Variants in GRIP1 observed in about 807,000 individuals in gnomAD.
GRIP1 encodes the protein glutamate receptor-interacting protein 1.
GRIP1 carries 45 observed loss-of-function variants against 129.9 expected under a neutral mutation model. That is an observed-to-expected ratio of 0.35 (90% CI 0.27 to 0.44). The LOEUF (loss-of-function observed/expected upper bound fraction) is 0.44. Ranked by LOEUF, GRIP1 falls within the 20% of genes least tolerant of loss-of-function variation. The probability of loss-of-function intolerance (pLI) is 1.00; values close to 1 mark genes in which losing one functional copy is unlikely to be tolerated. For missense variants in GRIP1, 1,196 were observed against 1,396.8 expected (o/e 0.86, Z 2.29); for synonymous variants, 530 against 520.8 (o/e 1.02, Z -0.24).
At chr12:66,923,428 A>G (rs1044199968) in intron 1 of GRIP1, among the ~76,000 whole-genome samples, 17 of 152,348 alleles carry the variant, frequency 1.1e-4, no homozygotes, top group Middle Eastern at 3.4e-3. Context: ...CAGAGCATCA[A>G]CTGATTCCTT....
intron 1 of GRIP1, among the ~76,000 whole-genome samples, chr12:66,887,689 T>C (rs2040588371): frequency 6.6e-6 from 1 of 152,232 alleles, no homozygotes; most frequent in African/African-American, 2.4e-5. Context: ...ACAAAATCTC[T>C]TAAGAAACTA....
intron 23 of GRIP1, among the ~76,000 whole-genome samples, chr12:66,355,265 G>C (rs1370478503): frequency 6.6e-6 from 1 of 152,190 alleles, no homozygotes; most frequent in Non-Finnish European, 1.5e-5. Context: ...CTATGCGTCA[G>C]GGACTGTTTT....
intron 1 of GRIP1, among the ~76,000 whole-genome samples, chr12:66,965,314 GCT>G (rs1470625425): frequency 6.6e-6 from 1 of 151,944 alleles, no homozygotes; most frequent in Non-Finnish European, 1.5e-5. Flanking sequence ...ATCTACTTAA[GCT>G]CTCTGATTAC....
chr12:66,988,798 G>A lies in GRIP1; in HGVS notation c.58+80252C>T, dbSNP rs80107860. On this transcript the variant is annotated intron_variant, in intron 1 of 1. Transcript: ENST00000643019. ...TTTCATTTATCCAGTTACTCAAGAGGGAGTTAATTAAGTTAAATGCTTATT... is the reference window on the plus strand; with the variant it reads ...TTTCATTTATCCAGTTACTCAAGAGAGAGTTAATTAAGTTAAATGCTTATT... Among the ~76,000 whole-genome samples the A allele has an allele frequency of 7.1e-3, 1,087 of 152,130 alleles. 6 individuals carry two copies. The highest frequency in any genetic ancestry group is 0.012 in the Non-Finnish European group (802 of 67,980).
intron 1 of GRIP1, among the ~76,000 whole-genome samples, chr12:66,738,652 A>C (rs889283553): frequency 6.6e-6 from 1 of 152,162 alleles, no homozygotes; most frequent in African/African-American, 2.4e-5. Context: ...GGTCAGAAGG[A>C]GCAAAAGGGG....
chr12:66,395,050 T>A (rs888250457), intron 16 of GRIP1, among the ~76,000 whole-genome samples: 1 of 152,226 alleles, frequency 6.6e-6, no homozygotes, highest in Non-Finnish European at 1.5e-5. Context: ...TTCAACAGCA[T>A]AGACCAGCCT....
intron 7 of GRIP1, among the ~76,000 whole-genome samples, chr12:66,465,691 T>C (rs943291228): frequency 1.3e-5 from 2 of 152,246 alleles, no homozygotes; most frequent in African/African-American, 2.4e-5. Context: ...CTTGGGATAA[T>C]ATCTTATGTA....
intron 1 of GRIP1, among the ~76,000 whole-genome samples, chr12:66,773,377 T>C (rs1265286132): frequency 6.6e-6 from 1 of 152,160 alleles, no homozygotes; most frequent in Non-Finnish European, 1.5e-5. Flanking sequence ...GGTCAAATGG[T>C]ATTTCTGGTT....
At chr12:66,958,438 G>A (rs993998964) in intron 1 of GRIP1, among the ~76,000 whole-genome samples, 3 of 152,056 alleles carry the variant, frequency 2.0e-5, no homozygotes, top group Non-Finnish European at 4.4e-5. Context: ...AGCATTTTTC[G>A]ATTTTGAAGA....
chr12:67,019,009 T>G (rs985297010), intron 1 of GRIP1, among the ~76,000 whole-genome samples: 2 of 152,106 alleles, frequency 1.3e-5, no homozygotes, highest in African/African-American at 4.8e-5. Context: ...GAAGTTGACT[T>G]AAATTCACAT....
intron 3 of GRIP1, 71 bp from the exon 4 acceptor site, chr12:66,539,294 T>A: frequency 6.3e-7 from 1 of 1,594,524 alleles, no homozygotes; most frequent in Non-Finnish European, 8.6e-7. Flanking sequence ...ATTTCCACTT[T>A]CCCTTCATGG....
At chr12:66,981,158 A>G (rs775302739) in intron 1 of GRIP1, among the ~76,000 whole-genome samples, 1 of 152,246 alleles carries the variant, frequency 6.6e-6, no homozygotes, top group Non-Finnish European at 1.5e-5. Context: ...TAATGTGCAT[A>G]ATCTCTAATC....
At chr12:66,518,026 T>TA (rs546597543) in intron 5 of GRIP1, 50 bp from the exon 6 acceptor site, 34 of 1,014,524 alleles carry the variant, frequency 3.4e-5, no homozygotes, top group East Asian at 7.1e-5. Flanking sequence ...TGTTGGCATT[T>TA]AAAAAAAATC....
At chr12:66,763,646 C>A (rs980731508) in intron 1 of GRIP1, among the ~76,000 whole-genome samples, 1 of 152,118 alleles carries the variant, frequency 6.6e-6, no homozygotes, top group Admixed American at 6.6e-5. Context: ...CCACGGAAGA[C>A]AACCCCATCA....
intron 1 of GRIP1, among the ~76,000 whole-genome samples, chr12:66,697,640 C>T (rs2035208658): frequency 6.6e-6 from 1 of 152,132 alleles, no homozygotes; most frequent in Non-Finnish European, 1.5e-5. Context: ...GAGAAGCGTG[C>T]TAACTGGCTG....
chr12:66,819,960 A>G (rs1247362706), intron 1 of GRIP1, among the ~76,000 whole-genome samples: 1 of 152,228 alleles, frequency 6.6e-6, no homozygotes, highest in African/African-American at 2.4e-5. Flanking sequence ...TGGAGTGTAG[A>G]TAAGCCTGAA....
intron 1 of GRIP1, among the ~76,000 whole-genome samples, chr12:67,053,473 G>A (rs2043380647): frequency 6.6e-6 from 1 of 152,204 alleles, no homozygotes; most frequent in Admixed American, 6.5e-5. Context: ...AAAATCATAT[G>A]TCAGAATAAA....
intron 1 of GRIP1, among the ~76,000 whole-genome samples, chr12:66,864,991 C>T (rs2040177391): frequency 6.6e-6 from 1 of 152,064 alleles, no homozygotes; most frequent in African/African-American, 2.4e-5. Flanking sequence ...AAGTCAGTGA[C>T]CAAGAAGCAG....
chr12:66,974,358 T>C (rs1243761014), intron 1 of GRIP1, among the ~76,000 whole-genome samples: 1 of 152,188 alleles, frequency 6.6e-6, no homozygotes, highest in Non-Finnish European at 1.5e-5. Context: ...CCATCCAACA[T>C]GCGATAACAG....
Sources: allele counts gnomAD v4.1 joint callset (sites outside exome capture counted in the v4.1 genomes callset), GRCh38; gene constraint gnomAD v4.1.1; transcripts MANE v1.5; gene names NCBI Gene and HGNC (gene_info 2026-07-23, HGNC 2026-07-21).